SLC35A3: variants seen among roughly 807,000 people sequenced by gnomAD.
SLC35A3 encodes the protein UDP-N-acetylglucosamine transporter.
SLC35A3 carries 26 observed loss-of-function variants against 39.0 expected under a neutral mutation model. The observed-to-expected ratio is 0.67, with a 90% CI of 0.49 to 0.92. SLC35A3 has a LOEUF of 0.92. Ranked by LOEUF, SLC35A3 falls within the 40% of genes least tolerant of loss-of-function variation. The pLI, the probability that SLC35A3 is intolerant of heterozygous loss-of-function variation, is 0.00. For synonymous variants in SLC35A3, 135 were observed against 133.1 expected, an observed-to-expected ratio of 1.01 and a Z score of -0.10; for missense variants, 299 against 371.6, an observed-to-expected ratio of 0.80 and a Z score of 1.61.
intron 7 of SLC35A3, among the ~76,000 whole-genome samples, chr1:100,018,254 T>C (rs1026316670): frequency 2.0e-5 from 3 of 152,182 alleles, no homozygotes; most frequent in Non-Finnish European, 2.9e-5. Context: ...GGAGGAGTTA[T>C]AGGTGAGGAA....
At chr1:100,013,509 A>T (rs1659831391) in intron 5 of SLC35A3, among the ~76,000 whole-genome samples, 1 of 150,564 alleles carries the variant, frequency 6.6e-6, no homozygotes, top group Non-Finnish European at 1.5e-5. Context: ...GCTACTTCGG[A>T]GGCTGAGGTG....
At chr1:99,976,978 G>GA (rs1026106847) in intron 1 of SLC35A3, among the ~76,000 whole-genome samples, 5 of 148,978 alleles carry the variant, frequency 3.4e-5, no homozygotes, top group East Asian at 2.0e-4. Context: ...AAAAGTTGGG[G>GA]AAAAAAAAAG....
In SLC35A3 at chr1:100,028,113, A is replaced by C. The variant is rs1225568604; in HGVS notation, c.*5637A>C. On this transcript the variant is annotated 3_prime_UTR_variant, in exon 8 of 8. Coordinates refer to ENST00000533028, the MANE Select transcript of SLC35A3 (RefSeq NM_012243.3). ...GCCACCACGCCCAACTAATTTTTGT[A>C]TTTTTAGTAGAGACAGGGTTTCACC... is the stretch of plus-strand genomic sequence containing the variant. 2.0e-5 allele frequency: 3 copies of C among 151,794 alleles called. No individual in the cohort carries two copies. The highest frequency in any genetic ancestry group is 2.0e-4 in the Admixed American group (3 of 15,236). 9.4% of individuals were successfully genotyped at this position (151,794 alleles called of 1,614,324 possible). A position where few individuals can be genotyped will look rare whatever the true frequency, so the allele number is the denominator to read the frequency against.
At chr1:100,022,294 A>G (rs1660602956) in intron 7 of SLC35A3, 92 bp from the exon 8 acceptor site, 2 of 647,848 alleles carry the variant, frequency 3.1e-6, no homozygotes, top group African/African-American at 1.9e-5. Context: ...TTTTCCCCAC[A>G]TTATAATTGT....
intron 5 of SLC35A3, 35 bp downstream of exon 5, chr1:100,011,568 A>C: frequency 2.3e-6 from 2 of 851,646 alleles, no homozygotes; most frequent in East Asian, 3.2e-5. Flanking sequence ...TTATTTTAAA[A>C]ATGATTATAT....
At chr1:99,981,575 G>T (rs1182767304) in intron 1 of SLC35A3, among the ~76,000 whole-genome samples, 1 of 152,036 alleles carries the variant, frequency 6.6e-6, no homozygotes, top group Admixed American at 6.6e-5. Context: ...CTCCTCCCAG[G>T]TTCAAGAAAT....
chr1:99,992,934 TGTGGCTGTAACCCCTA>T (rs1658171573), intron 1 of SLC35A3: 1 of 152,386 alleles, frequency 6.6e-6, no homozygotes, highest in Non-Finnish European at 1.5e-5. Context: ...CCACAGTTTC[TGTGGCTGTAACCCCTA>T]GTGGGAGGGG....
chr1:100,015,960 C>T (rs1267561326), intron 6 of SLC35A3, among the ~76,000 whole-genome samples: 1 of 152,066 alleles, frequency 6.6e-6, no homozygotes, highest in African/African-American at 2.4e-5. Flanking sequence ...CTTAGAGCCT[C>T]CTATTCTTCT....
At chr1:100,017,535 C>T (rs1660237004) in intron 6 of SLC35A3, 147 bp from the exon 7 acceptor site, 4 of 483,280 alleles carry the variant, frequency 8.3e-6, no homozygotes, top group Non-Finnish European at 1.1e-5. Flanking sequence ...TAAGTCTATT[C>T]GTTGTTAAGA....
At chr1:100,010,494 A>G (rs1026401105) in intron 4 of SLC35A3, among the ~76,000 whole-genome samples, 1 of 152,050 alleles carries the variant, frequency 6.6e-6, no homozygotes, top group Non-Finnish European at 1.5e-5. Context: ...GGAGTTTGAG[A>G]CCATCCTGGG....
chr1:99,973,962 C>T (rs1308045698), intron 1 of SLC35A3, among the ~76,000 whole-genome samples: 1 of 150,454 alleles, frequency 6.6e-6, no homozygotes, highest in Non-Finnish European at 1.5e-5. Context: ...TTGCAGTGAG[C>T]CAAAATCGCT....
intron 1 of SLC35A3, among the ~76,000 whole-genome samples, chr1:99,980,452 C>G (rs12145880): frequency 0.15 from 23,086 of 152,080 alleles, 2,442 homozygotes; most frequent in African/African-American, 0.3. Context: ...TTTCTGTAAA[C>G]AGTACAATAG....
rs933986574 is a variant in SLC35A3 at position 99,989,104 on chromosome 1, G to A, written c.-18-4433G>A. ...TTTACATTTTCACTAGCAATGTTGA[G>A]GGCTGTTTGCTCTAAATCCCCTTTA... On this transcript the variant is annotated intron_variant, in intron 1 of 7. Transcript: ENST00000533028. Among the ~76,000 whole-genome samples, 3 of 152,134 alleles carry A rather than the reference G, an allele frequency of 2.0e-5. No homozygotes were observed. The East Asian group carries it at 5.8e-4, about 29-fold the overall frequency.
Position 100,029,486 on chromosome 1 carries a change from A to G in SLC35A3, c.*7010A>G, listed in dbSNP as rs1661106726. ...CGCTCTGTCACTCAGGCTGGAGTTC[A>G]GCGGCACGATCTCTGCTCACTGCAA... On this transcript the variant is annotated 3_prime_UTR_variant, in exon 8 of 8. Transcript: ENST00000533028. 1 of 134,928 alleles carries G rather than the reference A, an allele frequency of 7.4e-6. No individual in the cohort carries two copies. The highest frequency in any genetic ancestry group is 2.2e-4 in the South Asian group (1 of 4,524). 8.4% of individuals were successfully genotyped at this position (134,928 alleles called of 1,614,324 possible).
chr1:100,027,138 C>G lies in SLC35A3; in HGVS notation c.*4662C>G, dbSNP rs977401986. ...CACATGTGATCTTTCTTCCTTTTCT[C>G]TAGCCCATATTCTAGCATGAAATAC... On this transcript the variant is annotated 3_prime_UTR_variant, in exon 8 of 8. Transcript: ENST00000533028. 2 of 398,428 alleles carry G rather than the reference C, an allele frequency of 5.0e-6. No homozygotes were observed. Among genetic ancestry groups the G allele is most frequent in the African/African-American group, 2.1e-5 (1 of 48,610 alleles). 24.7% of individuals were successfully genotyped at this position (398,428 alleles called of 1,614,324 possible).
chr1:100,016,878 C>G (rs545179367), intron 6 of SLC35A3, among the ~76,000 whole-genome samples: 1 of 152,252 alleles, frequency 6.6e-6, no homozygotes, highest in East Asian at 1.9e-4. Context: ...TTTGGTATAA[C>G]TGGTATGAAG....
In SLC35A3 at chr1:100,029,356, T is replaced by TCTATACA. The variant is rs750827409; in HGVS notation, c.*6883_*6889dup. 2.0e-5 allele frequency: 3 copies of TCTATACA among 152,174 alleles called. No individual in the cohort carries two copies. The highest frequency in any genetic ancestry group is 2.9e-5 in the Non-Finnish European group (2 of 68,034). The allele number at this position is 152,174 out of a possible 1,614,324, so 9.4% of individuals were successfully genotyped here. On this transcript the variant is annotated 3_prime_UTR_variant, in exon 8 of 8. Transcript: ENST00000533028. ...TCTTACTACACAAAGACCATTCATC[T>TCTATACA]CTATACACTTCCTTCTGAATTGATG...
At chr1:99,991,740 C>G (rs1389199821) in intron 1 of SLC35A3, among the ~76,000 whole-genome samples, 1 of 152,058 alleles carries the variant, frequency 6.6e-6, no homozygotes, top group Non-Finnish European at 1.5e-5. Flanking sequence ...TCCTTGAATT[C>G]AAGTAAGATC....
rs527794508 is a variant in SLC35A3, at chr1:100,023,382, T to G, written c.*906T>G. On this transcript the variant is annotated 3_prime_UTR_variant, in exon 8 of 8. Transcript: ENST00000533028. ...AATAATTATTGTATAATATCTACAT[T>G]TGGAGAATTTTGAACTATCAAGCAT... The G allele has an allele frequency of 6.6e-6, 1 of 152,316 alleles. No individual in the cohort carries two copies. Among genetic ancestry groups the G allele is most frequent in the African/African-American group, 2.4e-5 (1 of 41,570 alleles). The allele number at this position is 152,316 out of a possible 1,614,324, so 9.4% of individuals were successfully genotyped here.
Sources: allele counts gnomAD v4.1 joint callset (sites outside exome capture counted in the v4.1 genomes callset), GRCh38; gene constraint gnomAD v4.1.1; transcripts MANE v1.5; gene names NCBI Gene and HGNC (gene_info 2026-07-23, HGNC 2026-07-21).